Variants in EXOC2 observed in about 807,000 individuals in gnomAD.
EXOC2 encodes the protein SEC5-like 1.
Under a neutral mutation model 131.8 loss-of-function variants are expected in EXOC2, and 70 were observed. That is an observed-to-expected ratio of 0.53 (90% CI 0.44 to 0.65). The LOEUF (loss-of-function observed/expected upper bound fraction) is 0.65, where lower values mean the gene tolerates loss of function less well. Among genes scored for constraint, EXOC2 ranks in the 30% least tolerant of loss-of-function variants. EXOC2 has a pLI of 0.00. For synonymous variants in EXOC2, 411 were observed against 398.4 expected (o/e 1.03, Z -0.38); for missense variants, 923 against 1,108.6 (o/e 0.83, Z 2.38).
intron 4 of EXOC2, among the ~76,000 whole-genome samples, chr6:629,288 A>G (rs1447407442): frequency 6.6e-6 from 1 of 152,244 alleles, no homozygotes; most frequent in African/African-American, 2.4e-5. Context: ...GGCACTAATT[A>G]TAAAAGTTAC....
At position 554,133 on chromosome 6, in the gene EXOC2, C is replaced by T. The variant is rs554929815; in HGVS notation, c.2055-213G>A. 1.9e-4 allele frequency among the ~76,000 whole-genome samples: 29 copies of T among 152,232 alleles called. No individual in the cohort carries two copies. The South Asian group carries it at 5.8e-3, about 31-fold the overall frequency. ...CTTGGCTCACTGCAACCTCCTCCTCCTGGGTTCAACCCATTCTTCTGCCTC... is the reference window on the plus strand; with the variant it reads ...CTTGGCTCACTGCAACCTCCTCCTCTTGGGTTCAACCCATTCTTCTGCCTC... On this transcript the variant is annotated intron_variant, in intron 20 of 27. Coordinates refer to ENST00000230449, the MANE Select transcript of EXOC2 (RefSeq NM_018303.6).
chr6:586,704 A>G (rs755214892), intron 11 of EXOC2, among the ~76,000 whole-genome samples: 12 of 152,208 alleles, frequency 7.9e-5, no homozygotes, highest in Non-Finnish European at 1.6e-4. Flanking sequence ...TGTAACTCAG[A>G]GGGAGGTGTT....
At chr6:661,765 C>CA (rs1763433237) in intron 1 of EXOC2, among the ~76,000 whole-genome samples, 1 of 151,928 alleles carries the variant, frequency 6.6e-6, no homozygotes, top group South Asian at 2.1e-4. Flanking sequence ...GTACACAGGC[C>CA]AAAAAGAGCA....
intron 1 of EXOC2, among the ~76,000 whole-genome samples, chr6:678,322 T>C (rs1367226750): frequency 6.6e-6 from 1 of 152,212 alleles, no homozygotes; most frequent in Non-Finnish European, 1.5e-5. Flanking sequence ...AAAATAGGAA[T>C]AATAACTAAT....
intron 1 of EXOC2, among the ~76,000 whole-genome samples, chr6:687,722 C>T (rs1764728244): frequency 6.6e-6 from 1 of 152,178 alleles, no homozygotes; most frequent in Admixed American, 6.5e-5. Flanking sequence ...GATTTTGTGA[C>T]CAGAAGCTCA....
chr6:671,356 A>AC (rs1221750598), intron 1 of EXOC2, among the ~76,000 whole-genome samples: 91 of 151,726 alleles, frequency 6.0e-4, no homozygotes, highest in African/African-American at 2.0e-3. Flanking sequence ...AACAACAACA[A>AC]AAAAAAACAA....
At chr6:621,285 A>G (rs917196801) in intron 4 of EXOC2, among the ~76,000 whole-genome samples, 8 of 152,178 alleles carry the variant, frequency 5.3e-5, no homozygotes, top group African/African-American at 1.9e-4. Context: ...AGACGGTCAC[A>G]TGCTCTGCAT....
At chr6:575,498 C>CCTCGCTCCCTCTCCATCCTCTCG (rs1758528368) in intron 12 of EXOC2, among the ~76,000 whole-genome samples, 2 of 151,920 alleles carry the variant, frequency 1.3e-5, no homozygotes, top group Non-Finnish European at 2.9e-5. Flanking sequence ...CCATCCTCTC[C>CCTCGCTCCCTCTCCATCCTCTCG]CTCGCTCCCT....
At chr6:640,458 G>A (rs1164870760) in intron 1 of EXOC2, among the ~76,000 whole-genome samples, 1 of 152,184 alleles carries the variant, frequency 6.6e-6, no homozygotes, top group Non-Finnish European at 1.5e-5. Flanking sequence ...GGTGTTGTAT[G>A]GCCTGAATTA....
intron 22 of EXOC2, 151 bp downstream of exon 22, chr6:549,024 G>A: frequency 1.5e-6 from 1 of 685,752 alleles, no homozygotes; most frequent in Non-Finnish European, 2.6e-6. Context: ...ATCATCCAAA[G>A]CTTTAGCAGG....
intron 23 of EXOC2, among the ~76,000 whole-genome samples, chr6:532,111 C>T (rs1245306694): frequency 6.6e-6 from 1 of 152,214 alleles, no homozygotes; most frequent in African/African-American, 2.4e-5. Flanking sequence ...TTCTTTAATA[C>T]ATTTTTTGAT....
chr6:536,449 T>C (rs559732796), intron 22 of EXOC2, among the ~76,000 whole-genome samples: 1 of 152,222 alleles, frequency 6.6e-6, no homozygotes, highest in South Asian at 2.1e-4. Context: ...CTGAAAGAAA[T>C]TAAAGATGGC....
At chr6:609,949 TCTC>T in intron 7 of EXOC2, 146 bp downstream of exon 7, 1 of 589,032 alleles carries the variant, frequency 1.7e-6, no homozygotes, top group South Asian at 2.5e-5. Context: ...ATGTTTCTAT[TCTC>T]CTTTGTGTTC....
intron 4 of EXOC2, among the ~76,000 whole-genome samples, chr6:622,179 C>T (rs559325591): frequency 6.6e-6 from 1 of 152,208 alleles, no homozygotes; most frequent in South Asian, 2.1e-4. Flanking sequence ...TTCTGTCGAC[C>T]TTCCTTCTAG....
intron 23 of EXOC2, among the ~76,000 whole-genome samples, chr6:529,115 T>TAC (rs1765912793): frequency 1.6e-5 from 1 of 62,006 alleles, no homozygotes; most frequent in Admixed American, 1.8e-4. Flanking sequence ...GCCTGCCTTT[T>TAC]ACCCCCCCCC....
chr6:657,072 T>A, intron 1 of EXOC2: 2 of 779,856 alleles, frequency 2.6e-6, no homozygotes, highest in Non-Finnish European at 3.8e-6. Flanking sequence ...AGGCAGGCAC[T>A]CGGGTTCCCG....
chr6:562,178 G>T (rs918480912), intron 17 of EXOC2, among the ~76,000 whole-genome samples: 8 of 152,234 alleles, frequency 5.3e-5, no homozygotes, highest in Non-Finnish European at 1.0e-4. Context: ...AGAGACAGAA[G>T]TCCCCCCCTG....
intron 1 of EXOC2, chr6:657,231 T>C: frequency 3.2e-6 from 1 of 315,422 alleles, no homozygotes; most frequent in Non-Finnish European, 5.8e-6. Flanking sequence ...GGCATTCCAC[T>C]GCTGAAACTT....
At chr6:659,799 A>C (rs531139076) in intron 1 of EXOC2, among the ~76,000 whole-genome samples, 55 of 151,676 alleles carry the variant, frequency 3.6e-4, no homozygotes, top group African/African-American at 1.2e-3. Context: ...ACAACTCCAC[A>C]GGGAGAAGGA....
Sources: allele counts gnomAD v4.1 joint callset (sites outside exome capture counted in the v4.1 genomes callset), GRCh38; gene constraint gnomAD v4.1.1; transcripts MANE v1.5; gene names NCBI Gene and HGNC (gene_info 2026-07-23, HGNC 2026-07-21).